SEC31A: variants seen among roughly 807,000 people sequenced by gnomAD.
SEC31A encodes the protein protein transport protein Sec31A.
In SEC31A, 70 loss-of-function variants were observed where a neutral mutation model predicts 151.0. The observed-to-expected ratio is 0.46, with a 90% CI of 0.38 to 0.57. The LOEUF (loss-of-function observed/expected upper bound fraction) is 0.57. Among genes scored for constraint, SEC31A ranks in the 20% least tolerant of loss-of-function variants. The pLI is 0.00. For synonymous variants in SEC31A, 475 were observed against 505.9 expected (o/e 0.94, Z 0.82); for missense variants, 1,330 against 1,471.2 (o/e 0.90, Z 1.57).
intron 24 of SEC31A, among the ~76,000 whole-genome samples, chr4:82,826,328 T>G (rs1012303254): frequency 2.6e-5 from 4 of 152,162 alleles, no homozygotes; most frequent in Admixed American, 6.5e-5. Flanking sequence ...CTCTTAATGT[T>G]TAAAAATTCC....
At chr4:82,820,518 G>C (rs1265400158) in intron 26 of SEC31A, among the ~76,000 whole-genome samples, 1 of 152,184 alleles carries the variant, frequency 6.6e-6, no homozygotes, top group African/African-American at 2.4e-5. Flanking sequence ...GTGGGGACAA[G>C]AGAACAAACG....
intron 23 of SEC31A, among the ~76,000 whole-genome samples, chr4:82,828,348 AC>A (rs1423208985): frequency 1.3e-5 from 2 of 152,240 alleles, no homozygotes; most frequent in Non-Finnish European, 1.5e-5. Flanking sequence ...CAATTCTATC[AC>A]ACTAAAAGTA....
intron 22 of SEC31A, among the ~76,000 whole-genome samples, chr4:82,837,488 A>G (rs1291347008): frequency 6.6e-6 from 1 of 151,906 alleles, no homozygotes; most frequent in African/African-American, 2.4e-5. Context: ...GGTTCAAGCA[A>G]TTCTCCCATC....
At chr4:82,853,736 A>G (rs752884843) in intron 17 of SEC31A, 21 bp from the exon 18 acceptor site, 5 of 1,590,686 alleles carry the variant, frequency 3.1e-6, no homozygotes, top group Non-Finnish European at 4.3e-6. Flanking sequence ...GAGGAAAATA[A>G]AATAAGATTA....
At chr4:82,899,877 CAG>C (rs1491587759) in intron 2 of SEC31A, 1 of 152,616 alleles carries the variant, frequency 6.6e-6, no homozygotes, top group Non-Finnish European at 1.5e-5. Flanking sequence ...ATCTCCTTCT[CAG>C]AGACAAAAAC....
At chr4:82,873,798 C>T (rs1441891504) in intron 6 of SEC31A, among the ~76,000 whole-genome samples, 1 of 151,924 alleles carries the variant, frequency 6.6e-6, no homozygotes, top group African/African-American at 2.4e-5. Flanking sequence ...TTTATGGCAT[C>T]TAATGACATA....
chr4:82,889,053 G>T (rs1008511885), intron 1 of SEC31A, among the ~76,000 whole-genome samples: 2 of 152,216 alleles, frequency 1.3e-5, no homozygotes, highest in Non-Finnish European at 2.9e-5. Flanking sequence ...AATATGGATA[G>T]AAACAATTGT....
At chr4:82,839,325 GT>G (rs1728209425) in intron 22 of SEC31A, among the ~76,000 whole-genome samples, 1 of 152,052 alleles carries the variant, frequency 6.6e-6, no homozygotes, top group African/African-American at 2.4e-5. Flanking sequence ...TAATTTTTGT[GT>G]TTTTCGTAGA....
chr4:82,837,710 G>A (rs553306260), intron 22 of SEC31A, among the ~76,000 whole-genome samples: 11 of 152,256 alleles, frequency 7.2e-5, no homozygotes, highest in African/African-American at 1.9e-4. Flanking sequence ...CCACCTTAGC[G>A]TAGAGATTTA....
chr4:82,827,680 A>T (rs764062011), intron 23 of SEC31A, 48 bp from the exon 24 acceptor site: 3 of 1,581,142 alleles, frequency 1.9e-6, no homozygotes, highest in South Asian at 2.3e-5. Flanking sequence ...AATAAAAACG[A>T]TAGCAACATT....
intron 10 of SEC31A, among the ~76,000 whole-genome samples, chr4:82,865,262 G>A (rs1735049824): frequency 6.6e-6 from 1 of 152,114 alleles, no homozygotes; most frequent in Admixed American, 6.5e-5. Flanking sequence ...AAGTGCTAGA[G>A]AGGATGTGGA....
intron 23 of SEC31A, among the ~76,000 whole-genome samples, chr4:82,828,043 T>G (rs746859876): frequency 1.7e-4 from 26 of 152,156 alleles, no homozygotes; most frequent in Non-Finnish European, 3.2e-4. Context: ...GCCTCCCAAG[T>G]AGCTGGGATT....
intron 26 of SEC31A, 30 bp downstream of exon 26, chr4:82,821,007 T>C (rs758431672): frequency 1.3e-6 from 2 of 1,572,878 alleles, no homozygotes; most frequent in Non-Finnish European, 8.7e-7. Flanking sequence ...AATAAATGAT[T>C]ATCATAAATC....
chr4:82,857,163 T>C, intron 15 of SEC31A, 33 bp from the exon 16 acceptor site: 6 of 1,591,752 alleles, frequency 3.8e-6, no homozygotes, highest in Middle Eastern at 3.3e-4. Context: ...CCAAGTTAAA[T>C]AGAGTTTTTG....
At position 82,862,557 on chromosome 4, in the gene SEC31A, T is replaced by C; in HGVS notation, c.1525A>G (p.Asn509Asp). Residue 509 changes from asparagine to aspartate, a missense_variant, in exon 13 of 27, where the codon AAC becomes GAC. Transcript: ENST00000395310. Reference sequence around the variant, plus strand: ...ACCACATTGGCTCCATCCACTTTGTTCAAGGCCAAAGCAATCTGAAATAAA... The same window carrying C: ...ACCACATTGGCTCCATCCACTTTGTCCAAGGCCAAAGCAATCTGAAATAAA... The part of the protein sequence containing the change: ...DLGKKIALAL[N>D]KVDGANVALK... 6.2e-7 allele frequency: 1 copy of C among 1,613,790 alleles called. No individual in the cohort carries two copies.
chr4:82,819,036 G>A lies in SEC31A; in HGVS notation c.*38C>T. The A allele has an allele frequency of 6.5e-7, 1 of 1,536,312 alleles. No individual in the cohort carries two copies. ...TTTTTTTTTTTAACATGTTTCTTTG[G>A]AAAAATGGCAATATTGAGTGGAAGA... On this transcript the variant is annotated 3_prime_UTR_variant, in exon 27 of 27. Coordinates refer to ENST00000395310, the MANE Select transcript of SEC31A (RefSeq NM_001077207.4).
chr4:82,842,199 G>T lies in SEC31A; in HGVS notation c.2909C>A (p.Pro970His). Residue 970 changes from proline (P) to histidine (H), a missense_variant, in exon 22 of 27, where the codon CCT becomes CAT. Coordinates refer to ENST00000395310, the MANE Select transcript of SEC31A (RefSeq NM_001077207.4). ...AGGCAGTGTACCTGTTGTTCCAGGAGGCAGTGCATAAGCTGAAGATGATGG... is the reference window on the plus strand; with the variant it reads ...AGGCAGTGTACCTGTTGTTCCAGGATGCAGTGCATAAGCTGAAGATGATGG... ...APPSSSAYAL[P>H]PGTTGTLPAA... The T allele has an allele frequency of 6.2e-7, 1 of 1,604,146 alleles. No homozygotes were observed. The highest frequency in any genetic ancestry group is 8.5e-7 in the Non-Finnish European group (1 of 1,173,660).
intron 1 of SEC31A, among the ~76,000 whole-genome samples, chr4:82,889,175 T>C (rs1741658797): frequency 6.6e-6 from 1 of 152,260 alleles, no homozygotes; most frequent in East Asian, 1.9e-4. Context: ...GGTGTCATAC[T>C]AATCTTCAGT....
upstream of SEC31A, chr4:82,891,178 G>A (rs1560681325): frequency 6.5e-7 from 1 of 1,535,134 alleles, no homozygotes; most frequent in Non-Finnish European, 8.7e-7. Context: ...TCCCCGGCCA[G>A]GGCCACCTCC....
Sources: allele counts gnomAD v4.1 joint callset (sites outside exome capture counted in the v4.1 genomes callset), GRCh38; gene constraint gnomAD v4.1.1; transcripts MANE v1.5; gene names NCBI Gene and HGNC (gene_info 2026-07-23, HGNC 2026-07-21).